The following FGF18 variants were observed in gnomAD, a reference collection of about 807,000 sequenced individuals.
FGF18 encodes the protein fibroblast growth factor 18.
A neutral mutation model predicts 23.0 loss-of-function variants in FGF18; 5 were observed. The ratio of observed to expected loss-of-function variants is 0.22; its 90% CI spans 0.11 to 0.46. The LOEUF (loss-of-function observed/expected upper bound fraction) is 0.46, where lower values mean the gene tolerates loss of function less well. Among genes scored for constraint, FGF18 ranks in the 20% least tolerant of loss-of-function variants. The pLI is 0.99. For missense variants in FGF18, 180 were observed against 291.6 expected, an observed-to-expected ratio of 0.62 and a Z score of 2.79; for synonymous variants, 117 against 118.9, an observed-to-expected ratio of 0.98 and a Z score of 0.10.
intron 2 of FGF18, among the ~76,000 whole-genome samples, chr5:171,425,105 C>T (rs1450010436): frequency 6.6e-6 from 1 of 152,130 alleles, no homozygotes; most frequent in Non-Finnish European, 1.5e-5. Context: ...TCTGCAGGGC[C>T]TTTTGGTTCT....
At chr5:171,433,121 C>T (rs537420482) in intron 2 of FGF18, among the ~76,000 whole-genome samples, 6 of 152,242 alleles carry the variant, frequency 3.9e-5, no homozygotes, top group Non-Finnish European at 8.8e-5. Flanking sequence ...AGGCCACCCC[C>T]GCCACCTCCC....
chr5:171,420,619 C>G (rs1771990898), intron 2 of FGF18, among the ~76,000 whole-genome samples, 176 bp downstream of exon 2: 1 of 152,192 alleles, frequency 6.6e-6, no homozygotes, highest in African/African-American at 2.4e-5. Flanking sequence ...CGGCGGGGAA[C>G]CGGCCAAGGG....
rs1581280111 is a variant in FGF18 at position 171,451,147 on chromosome 5, C to G, written c.357+1894C>G. Among the ~76,000 whole-genome samples the G allele has an allele frequency of 2.0e-5, 3 of 151,924 alleles. No individual in the cohort carries two copies. The highest frequency in any genetic ancestry group is 7.2e-5 in the African/African-American group (3 of 41,384). Reference sequence around the variant, plus strand: ...GGCTCCGATTTCCTGCCCCCTCGCCCTCTCTCCCGTCATTAATATTGGTGA... The same window carrying G: ...GGCTCCGATTTCCTGCCCCCTCGCCGTCTCTCCCGTCATTAATATTGGTGA... On this transcript the variant is annotated intron_variant, in intron 4 of 4. Coordinates refer to ENST00000274625, the MANE Select transcript of FGF18 (RefSeq NM_003862.3). The surrounding 1 kb of genome is among the most constrained non-coding windows in gnomAD (Gnocchi z 4.5).
intron 4 of FGF18, among the ~76,000 whole-genome samples, chr5:171,453,109 T>A (rs138669228): frequency 6.6e-6 from 1 of 152,216 alleles, no homozygotes; most frequent in African/African-American, 2.4e-5. Context: ...CTGCCTTGCC[T>A]GAACCAATTA....
chr5:171,445,641 C>T (rs1454203574), intron 3 of FGF18, among the ~76,000 whole-genome samples: 1 of 152,100 alleles, frequency 6.6e-6, no homozygotes, highest in Non-Finnish European at 1.5e-5. Context: ...GCTAGGATTA[C>T]AGGCATGAGC....
chr5:171,420,313 C>G, intron 1 of FGF18, 82 bp downstream of exon 1: 3 of 1,606,256 alleles, frequency 1.9e-6, no homozygotes, highest in South Asian at 1.1e-5. Flanking sequence ...TCTGCCCGCC[C>G]GTCGGTTCAC....
intron 2 of FGF18, among the ~76,000 whole-genome samples, chr5:171,424,358 G>A (rs1436456351): frequency 6.6e-6 from 1 of 152,188 alleles, no homozygotes; most frequent in Non-Finnish European, 1.5e-5. Context: ...GGAAAAAGAT[G>A]GTACTTGTAG....
At chr5:171,432,577 T>C (rs948737057) in intron 2 of FGF18, among the ~76,000 whole-genome samples, 1 of 151,922 alleles carries the variant, frequency 6.6e-6, no homozygotes, top group Non-Finnish European at 1.5e-5. Context: ...CCTGGCTAAT[T>C]TTTGTATTTT....
chr5:171,437,480 G>T lies in FGF18; in HGVS notation c.250+1207G>T, dbSNP rs72829771. Among the ~76,000 whole-genome samples, 4 of 152,034 alleles carry T rather than the reference G, an allele frequency of 2.6e-5. No individual in the cohort carries two copies. In the East Asian group the frequency reaches 5.8e-4, roughly 22 times the overall value. On this transcript the variant is annotated intron_variant, in intron 3 of 4. Transcript: ENST00000274625. Reference sequence around the variant, plus strand: ...CTTCTCCCAGGCATCACTCTTTACCGCCTCCGTTCCCCTCCCACTCTCTTT... The same window carrying T: ...CTTCTCCCAGGCATCACTCTTTACCTCCTCCGTTCCCCTCCCACTCTCTTT...
At position 171,436,119 on chromosome 5, in the gene FGF18, C is replaced by A; in HGVS notation, c.96C>A (p.Asp32Glu). The A allele has an allele frequency of 3.2e-6, 5 of 1,571,872 alleles. No individual in the cohort carries two copies. Among genetic ancestry groups the A allele is most frequent in the Non-Finnish European group, 4.3e-6 (5 of 1,154,182 alleles). Residue 32 changes from aspartate (D) to glutamate (E), a missense_variant, in exon 3 of 5, where the codon GAC becomes GAA. Asp to Glu is a conservative substitution (Grantham distance 45). This residue lies in a region of FGF18 where 57 missense variants were observed against 59.8 expected (regional missense o/e 0.95). Transcript: ENST00000274625. This position sits in a 1 kb window ranked among gnomAD's most constrained non-coding sequence, Gnocchi z 4.4. ...VQVLVAEENV[D>E]FRIHVENQTR... is the part of the protein sequence containing the mutation. ...TGCTGGTTGCCGAGGAGAACGTGGACTTCCGCATCCACGTGGAGAACCAGA... is the reference window on the plus strand; with the variant it reads ...TGCTGGTTGCCGAGGAGAACGTGGAATTCCGCATCCACGTGGAGAACCAGA...
chr5:171,433,164 A>G (rs1040764494), intron 2 of FGF18, among the ~76,000 whole-genome samples: 7 of 152,168 alleles, frequency 4.6e-5, no homozygotes, highest in African/African-American at 1.4e-4. Flanking sequence ...ATGGGGCTTC[A>G]ATGGTGGGAG....
At chr5:171,431,345 G>C (rs1772179323) in intron 2 of FGF18, among the ~76,000 whole-genome samples, 1 of 152,168 alleles carries the variant, frequency 6.6e-6, no homozygotes, top group Non-Finnish European at 1.5e-5. Flanking sequence ...TAGGGAGCCT[G>C]GGCAGGGACA....
intron 2 of FGF18, among the ~76,000 whole-genome samples, chr5:171,432,249 A>T (rs1373249523): frequency 6.6e-6 from 1 of 152,106 alleles, no homozygotes; most frequent in Non-Finnish European, 1.5e-5. Flanking sequence ...GGAGAAGTGG[A>T]TGTTCCCGAG....
chr5:171,423,407 G>T (rs1772046086), intron 2 of FGF18, among the ~76,000 whole-genome samples: 1 of 152,312 alleles, frequency 6.6e-6, no homozygotes, highest in South Asian at 2.1e-4. Context: ...GGCCTTTCAC[G>T]CAGCTCGGCC....
chr5:171,425,506 C>T (rs1209530058), intron 2 of FGF18, among the ~76,000 whole-genome samples: 1 of 148,890 alleles, frequency 6.7e-6, no homozygotes, highest in East Asian at 2.0e-4. Context: ...CTGGCATGAG[C>T]CACTGCACCT....
chr5:171,437,392 C>T (rs1021205450), intron 3 of FGF18, among the ~76,000 whole-genome samples: 1 of 152,220 alleles, frequency 6.6e-6, no homozygotes, highest in African/African-American at 2.4e-5. Context: ...CTGGGCCAGG[C>T]CAGGCCAGGC....
chr5:171,436,121 T>A lies in FGF18; in HGVS notation c.98T>A (p.Phe33Tyr). The A allele has an allele frequency of 3.2e-6, 5 of 1,573,556 alleles. No individual in the cohort carries two copies. Among genetic ancestry groups the A allele is most frequent in the Non-Finnish European group, 4.3e-6 (5 of 1,155,102 alleles). ...QVLVAEENVD[F>Y]RIHVENQTRA... ...CTGGTTGCCGAGGAGAACGTGGACTTCCGCATCCACGTGGAGAACCAGACG... is the reference window on the plus strand; with the variant it reads ...CTGGTTGCCGAGGAGAACGTGGACTACCGCATCCACGTGGAGAACCAGACG... Residue 33 changes from phenylalanine (F) to tyrosine (Y), a missense_variant, in exon 3 of 5, where the codon TTC becomes TAC. By Grantham distance (22) the Phe-to-Tyr change is conservative. Around this residue, in one of 3 missense-constraint regions of FGF18, gnomAD observed 57 missense variants for 59.8 expected, o/e 0.95. Transcript: ENST00000274625. This position sits in a 1 kb window ranked among gnomAD's most constrained non-coding sequence, Gnocchi z 4.4.
intron 3 of FGF18, among the ~76,000 whole-genome samples, chr5:171,441,741 C>T (rs1051622540): frequency 3.3e-5 from 5 of 152,210 alleles, no homozygotes; most frequent in Admixed American, 6.5e-5. Context: ...GGGCCAACCA[C>T]GAAGACGCTC....
chr5:171,449,837 G>A (rs1208475164), intron 4 of FGF18, among the ~76,000 whole-genome samples: 2 of 144,820 alleles, frequency 1.4e-5, no homozygotes, highest in African/African-American at 5.0e-5. Context: ...GAGTGGGGGT[G>A]CAGGTTGGGG....
Sources: allele counts gnomAD v4.1 joint callset (sites outside exome capture counted in the v4.1 genomes callset), GRCh38; gene constraint gnomAD v4.1.1; regional missense constraint gnomAD v4.1.1; non-coding constraint Gnocchi (gnomAD v3.1); transcripts MANE v1.5; gene names NCBI Gene and HGNC (gene_info 2026-07-23, HGNC 2026-07-21).